NOL8: variants seen among roughly 807,000 people sequenced by gnomAD.
NOL8 encodes nucleolar protein Nop132.
Under a neutral mutation model 116.1 loss-of-function variants are expected in NOL8, and 93 were observed. The ratio of observed to expected loss-of-function variants is 0.80; its 90% CI spans 0.68 to 0.95. The LOEUF is 0.95. Among genes scored for constraint, NOL8 ranks in the 40% least tolerant of loss-of-function variants. The probability of loss-of-function intolerance (pLI) is 0.00; values close to 1 mark genes in which losing one functional copy is unlikely to be tolerated. For missense variants in NOL8, 1,291 were observed against 1,382.8 expected (o/e 0.93, Z 1.05); for synonymous variants, 419 against 469.0 (o/e 0.89, Z 1.38).
In NOL8 at chr9:92,313,582, C is replaced by A. The variant is rs1180058701; in HGVS notation, c.2358+685G>T. ...ATGAACAAAATGAAACCACTAGCCTCATTTCTTGCCATCTCATGCTGTATA... is the reference window on the plus strand; with the variant it reads ...ATGAACAAAATGAAACCACTAGCCTAATTTCTTGCCATCTCATGCTGTATA... On this transcript the variant is annotated intron_variant, in intron 7 of 16. Coordinates refer to ENST00000442668, the MANE Select transcript of NOL8 (RefSeq NM_017948.6). Among the ~76,000 whole-genome samples, 6 of 152,322 alleles carry A rather than the reference C, an allele frequency of 3.9e-5. 1 individual carries two copies. The highest frequency in any genetic ancestry group is 1.4e-4 in the African/African-American group (6 of 41,560).
intron 4 of NOL8, 28 bp from the exon 5 acceptor site, chr9:92,319,384 A>AG: frequency 6.6e-7 from 1 of 1,514,578 alleles, no homozygotes; most frequent in Middle Eastern, 1.8e-4. Context: ...TACAAATAAA[A>AG]GAGTCAAAAT....
chr9:92,323,601 G>A, intron 2 of NOL8, 98 bp from the exon 3 acceptor site: 3 of 922,470 alleles, frequency 3.3e-6, no homozygotes, highest in South Asian at 3.8e-5. Flanking sequence ...AAAAAAAATA[G>A]CTCTTGAAAA....
chr9:92,301,898 A>C, intron 12 of NOL8, 76 bp from the exon 13 acceptor site: 1 of 1,292,548 alleles, frequency 7.7e-7, no homozygotes, highest in Non-Finnish European at 1.0e-6. Flanking sequence ...AGAAAAGAAA[A>C]AATCTTGGAC....
rs200196088 is a variant in NOL8, at chr9:92,315,006, C to T, written c.1619G>A (p.Arg540His). Residue 540 changes from arginine (R) to histidine (H), a missense_variant, in exon 7 of 17, where the codon CGT (arginine) becomes CAT (histidine). By Grantham distance (29) the Arg-to-His change is conservative (BLOSUM62 0). Transcript: ENST00000442668. ...CAGGGAAGCCACAATCTCCGCAGGA[C>T]GAATACACTGTCGGCCTCTGCGGAG... Reference protein sequence around the residue: ...TGLRRGRQCIRPAEIVASLLE... With the variant: ...TGLRRGRQCIHPAEIVASLLE... 3.5e-5 allele frequency: 57 copies of T among 1,613,894 alleles called. No homozygotes were observed. The highest frequency in any genetic ancestry group is 3.3e-5 in the Non-Finnish European group (39 of 1,179,890).
chr9:92,299,677 G>A (rs1227634967), intron 14 of NOL8, among the ~76,000 whole-genome samples: 1 of 151,962 alleles, frequency 6.6e-6, no homozygotes, highest in Non-Finnish European at 1.5e-5. Flanking sequence ...GCTTGAATCT[G>A]GGAGGCGGAG....
At position 92,323,508 on chromosome 9, in the gene NOL8, A is replaced by AAATC; in HGVS notation, c.140-6_140-5insGATT. On this transcript the variant is annotated splice_region_variant and splice_polypyrimidine_tract_variant and intron_variant, in intron 2 of 16. Transcript: ENST00000442668. The stretch of plus-strand genomic sequence containing the variant: ...CAAAAACTTTCTGTGGGTTTCCTAA[A>AAATC]AAACAAACAAACAAACAAACAAAAC... The AAATC allele has an allele frequency of 6.3e-7, 1 of 1,592,998 alleles. No individual in the cohort carries two copies. Among genetic ancestry groups the AAATC allele is most frequent in the Non-Finnish European group, 8.6e-7 (1 of 1,169,526 alleles).
intron 7 of NOL8, among the ~76,000 whole-genome samples, chr9:92,312,316 T>C (rs1466572800): frequency 6.6e-6 from 1 of 151,004 alleles, no homozygotes; most frequent in African/African-American, 2.4e-5. Context: ...TAGCTGGGCA[T>C]GGTGGCACGT....
Position 92,319,254 on chromosome 9 carries a change from T to G in NOL8, c.384A>C (p.Lys128Asn). 1 of 1,587,924 alleles carries G rather than the reference T, an allele frequency of 6.3e-7. No individual in the cohort carries two copies. Among genetic ancestry groups the G allele is most frequent in the South Asian group, 1.1e-5 (1 of 88,360 alleles). Residue 128 changes from lysine (K) to asparagine (N), a missense_variant, in exon 5 of 17, where the codon AAA becomes AAC. By Grantham distance (94) the Lys-to-Asn change is moderately conservative. Coordinates refer to ENST00000442668, the MANE Select transcript of NOL8 (RefSeq NM_017948.6). ...EKTGGVDFHM[K>N]AVPGTEVPGH... ...CTGGCACTTCTGTCCCTGGCACAGC[T>G]TTCATATGGAAATCCACTCCTCCTG...
At chr9:92,318,834 G>A (rs1839664074) in intron 5 of NOL8, 148 bp from the exon 6 acceptor site, 1 of 561,494 alleles carries the variant, frequency 1.8e-6, no homozygotes, top group Non-Finnish European at 3.0e-6. Context: ...AGTTACCAAA[G>A]AGAAAAATTG....
At position 92,319,366 on chromosome 9, in the gene NOL8, A is replaced by G. The variant is rs771530877; in HGVS notation, c.282-10T>C. The G allele has an allele frequency of 4.6e-6, 7 of 1,534,304 alleles. No homozygotes were observed. Among genetic ancestry groups the G allele is most frequent in the Non-Finnish European group, 6.1e-6 (7 of 1,149,812 alleles). ...TCTCTCTTGGGCCAATCTGAATCAA[A>G]AAGAAAATACAAATAAAAGAGTCAA... On this transcript the variant is annotated splice_polypyrimidine_tract_variant and intron_variant, in intron 4 of 16. Transcript: ENST00000442668.
chr9:92,318,370 G>A (rs1009668952), intron 6 of NOL8, among the ~76,000 whole-genome samples: 5 of 152,150 alleles, frequency 3.3e-5, no homozygotes, highest in African/African-American at 1.2e-4. Context: ...ATCCATGTAT[G>A]ACAATATGAA....
intron 14 of NOL8, among the ~76,000 whole-genome samples, chr9:92,299,393 T>C (rs1320421096): frequency 1.3e-5 from 2 of 152,174 alleles, no homozygotes; most frequent in African/African-American, 4.8e-5. Context: ...CCCTTAGTGC[T>C]ATCCAAATCT....
chr9:92,317,752 C>T (rs944301616), intron 6 of NOL8, among the ~76,000 whole-genome samples: 2 of 151,990 alleles, frequency 1.3e-5, no homozygotes, highest in Non-Finnish European at 2.9e-5. Context: ...TACATCAAGA[C>T]GGTCAGGTGC....
intron 5 of NOL8, chr9:92,318,956 A>C (rs1588000772): frequency 1.9e-6 from 1 of 514,262 alleles, no homozygotes; most frequent in Non-Finnish European, 3.3e-6. Flanking sequence ...CAAACTTGGG[A>C]CCTGCCTGTA....
chr9:92,311,193 CCT>C lies in NOL8; in HGVS notation c.2423_2424del (p.Glu808GlyfsTer21). On this transcript the variant is annotated frameshift_variant, in exon 8 of 17. Coordinates refer to ENST00000442668, the MANE Select transcript of NOL8 (RefSeq NM_017948.6). LOFTEE classifies it high-confidence loss of function. ...TGGCTCTGCTCCTGAGTCGATGTCT[CCT>C]CTGTTTCACATTCACTGTCAGAACC... is the stretch of plus-strand genomic sequence containing the variant. ...IFGSDSECET[E>X]ETSTQEQSHP... The C allele has an allele frequency of 6.2e-7, 1 of 1,613,856 alleles. No individual in the cohort carries two copies. Among genetic ancestry groups the C allele is most frequent in the Non-Finnish European group, 8.5e-7 (1 of 1,179,842 alleles).
Position 92,315,290 on chromosome 9 carries a change from AAG to A in NOL8, c.1333_1334del (p.Leu445Ter), listed in dbSNP as rs765468278. On this transcript the variant is annotated frameshift_variant, in exon 7 of 17. Transcript: ENST00000442668. LOFTEE classifies it high-confidence loss of function. ...TGGAGTGAGAGGGAGATTTACGATTAAGAGACTTTAATCCATGACTGAGGGCT... is the reference window on the plus strand; with the variant it reads ...TGGAGTGAGAGGGAGATTTACGATTAAGACTTTAATCCATGACTGAGGGCT... ...ESALSHGLKSLNRKSPSHSSS... is the reference protein window; with the variant it reads ...ESALSHGLKSXNRKSPSHSSS... 1.2e-6 allele frequency: 2 copies of A among 1,614,012 alleles called. No homozygotes were observed. The highest frequency in any genetic ancestry group is 2.2e-5 in the South Asian group (2 of 91,076).
intron 10 of NOL8, among the ~76,000 whole-genome samples, chr9:92,308,243 C>T (rs1420523046): frequency 6.6e-6 from 1 of 152,158 alleles, no homozygotes; most frequent in African/African-American, 2.4e-5. Context: ...CAAAAATTAG[C>T]TGGACATGGT....
Position 92,316,073 on chromosome 9 carries a change from G to A in NOL8, c.552C>T (p.Asn184=). 6.2e-7 allele frequency: 1 copy of A among 1,613,906 alleles called. No homozygotes were observed. The highest frequency in any genetic ancestry group is 2.2e-5 in the East Asian group (1 of 44,880). The change falls in exon 7 of 17, where the codon AAC becomes AAT. Residue 184 remains asparagine, a synonymous_variant. Coordinates refer to ENST00000442668, the MANE Select transcript of NOL8 (RefSeq NM_017948.6). ...NLKKIGEDFS[N]TIPISSLTWE... is the part of the protein sequence containing the mutation. ...AAGTCAGGCTGGATATAGGAATGGT[G>A]TTTGAGAAATCCTCCCCTATCTTCT...
At chr9:92,311,044 A>T in intron 8 of NOL8, 102 bp downstream of exon 8, 1 of 908,196 alleles carries the variant, frequency 1.1e-6, no homozygotes, top group Non-Finnish European at 1.7e-6. Flanking sequence ...CCTGGGTCTC[A>T]TTGGGGCTCT....
Sources: allele counts gnomAD v4.1 joint callset (sites outside exome capture counted in the v4.1 genomes callset), GRCh38; gene constraint gnomAD v4.1.1; transcripts MANE v1.5; gene names NCBI Gene and HGNC (gene_info 2026-07-23, HGNC 2026-07-21).